The following HECW2 variants were observed in gnomAD, a reference collection of about 807,000 sequenced individuals.
The protein encoded by HECW2 is HECT, C2 and WW domain containing E3 ubiquitin protein ligase 2, also known as E3 ubiquitin-protein ligase HECW2.
Under a neutral mutation model 175.2 loss-of-function variants are expected in HECW2, and 61 were observed. The ratio of observed to expected loss-of-function variants is 0.35; its 90% CI spans 0.28 to 0.43. The LOEUF (loss-of-function observed/expected upper bound fraction) is 0.43, where lower values mean the gene tolerates loss of function less well. Ranked by LOEUF, HECW2 falls within the 20% of genes least tolerant of loss-of-function variation. The pLI, the probability that HECW2 is intolerant of heterozygous loss-of-function variation, is 1.00. For missense variants in HECW2, 1,524 were observed against 2,000.5 expected, an observed-to-expected ratio of 0.76 and a Z score of 4.54; for synonymous variants, 671 against 731.0, an observed-to-expected ratio of 0.92 and a Z score of 1.32.
rs1693485963 is a variant in HECW2, at chr2:196,358,980, CTTGATAAAGA to C, written c.293-15226_293-15217del. 5.9e-5 allele frequency among the ~76,000 whole-genome samples: 9 copies of C among 152,164 alleles called. No individual in the cohort carries two copies. The South Asian group carries it at 1.9e-3, about 32-fold the overall frequency. ...TTCTGTCAATGAGCTTTAAGCCTGG[CTTGATAAAGA>C]ACCAGATGGAGGTGCCCTCATCTCC... On this transcript the variant is annotated intron_variant, in intron 2 of 28. Transcript: ENST00000644978.
chr2:196,293,472 G>C (rs1001142751), intron 13 of HECW2, among the ~76,000 whole-genome samples: 6 of 152,144 alleles, frequency 3.9e-5, no homozygotes, highest in Admixed American at 3.9e-4. Context: ...TATATGTGCA[G>C]GTATCTTTGT....
In HECW2 at chr2:196,493,942, A is replaced by G. The variant is rs150651973; in HGVS notation, c.-35-60484T>C. On this transcript the variant is annotated intron_variant, in intron 1 of 28. Coordinates refer to ENST00000644978, the MANE Select transcript of HECW2 (RefSeq NM_001348768.2). ...AAAATCTAAGAGATAAAACAGTCATATAAGTAGATACACTACAATTCAACT... is the reference window on the plus strand; with the variant it reads ...AAAATCTAAGAGATAAAACAGTCATGTAAGTAGATACACTACAATTCAACT... Among the ~76,000 whole-genome samples, 484 of 152,382 alleles carry G rather than the reference A, an allele frequency of 3.2e-3. 5 individuals are homozygous for G. The highest frequency in any genetic ancestry group is 0.011 in the African/African-American group (447 of 41,596).
At chr2:196,509,955 G>A (rs985837828) in intron 1 of HECW2, among the ~76,000 whole-genome samples, 3 of 152,168 alleles carry the variant, frequency 2.0e-5, no homozygotes, top group Admixed American at 6.5e-5. Flanking sequence ...ATGTAATACT[G>A]TGCTCCACTC....
rs545124344 is a variant in HECW2 at position 196,472,248 on chromosome 2, C to T, written c.-35-38790G>A. Among the ~76,000 whole-genome samples, 205 of 152,058 alleles carry T rather than the reference C, an allele frequency of 1.3e-3. 1 individual carries two copies. The highest frequency in any genetic ancestry group is 2.5e-3 in the Non-Finnish European group (168 of 67,966). ...CCTGTAATCCCAGCACTTTGGGAGGCCAAGACAGGAGGATCACTTGAGGTC... is the reference window on the plus strand; with the variant it reads ...CCTGTAATCCCAGCACTTTGGGAGGTCAAGACAGGAGGATCACTTGAGGTC... On this transcript the variant is annotated intron_variant, in intron 1 of 28. Coordinates refer to ENST00000644978, the MANE Select transcript of HECW2 (RefSeq NM_001348768.2).
At chr2:196,285,029 A>G (rs1489301611) in intron 14 of HECW2, among the ~76,000 whole-genome samples, 1 of 152,170 alleles carries the variant, frequency 6.6e-6, no homozygotes, top group East Asian at 1.9e-4. Flanking sequence ...CACAAACTCG[A>G]ATCTCATTTT....
intron 14 of HECW2, among the ~76,000 whole-genome samples, chr2:196,282,673 A>G (rs892811197): frequency 2.9e-4 from 44 of 152,212 alleles, no homozygotes; most frequent in African/African-American, 1.0e-3. Flanking sequence ...TGTGGAGACC[A>G]AGGTTTTATC....
At chr2:196,529,721 G>C (rs574248166) in intron 1 of HECW2, among the ~76,000 whole-genome samples, 1 of 152,308 alleles carries the variant, frequency 6.6e-6, no homozygotes, top group African/African-American at 2.4e-5. Flanking sequence ...TCTACACTAG[G>C]AGATAACAAT....
chr2:196,475,415 G>T (rs376409419), intron 1 of HECW2, among the ~76,000 whole-genome samples: 1 of 147,006 alleles, frequency 6.8e-6, no homozygotes, highest in East Asian at 2.0e-4. Flanking sequence ...GGGAGGGGAG[G>T]GGAGAGAGAC....
intron 21 of HECW2, among the ~76,000 whole-genome samples, chr2:196,234,354 C>T (rs574787284): frequency 1.3e-5 from 2 of 151,876 alleles, no homozygotes; most frequent in South Asian, 4.2e-4. Flanking sequence ...GTGGCACAAT[C>T]GTAGCTCACT....
intron 1 of HECW2, among the ~76,000 whole-genome samples, chr2:196,479,799 C>G (rs1458720134): frequency 6.6e-6 from 1 of 152,166 alleles, no homozygotes; most frequent in Non-Finnish European, 1.5e-5. Context: ...TCTTTTCCAT[C>G]TTGCCCTGAT....
chr2:196,320,833 A>C (rs1691913959), intron 7 of HECW2, among the ~76,000 whole-genome samples: 1 of 152,188 alleles, frequency 6.6e-6, no homozygotes, highest in Admixed American at 6.5e-5. Flanking sequence ...AAGGGGAGAG[A>C]GCCTGGTTCC....
In HECW2 at chr2:196,462,934, A is replaced by G. The variant is rs182869794; in HGVS notation, c.-35-29476T>C. 2.0e-3 allele frequency among the ~76,000 whole-genome samples: 300 copies of G among 152,296 alleles called. 1 individual carries two copies. The highest frequency in any genetic ancestry group is 5.8e-3 in the South Asian group (28 of 4,828). On this transcript the variant is annotated intron_variant, in intron 1 of 28. Coordinates refer to ENST00000644978, the MANE Select transcript of HECW2 (RefSeq NM_001348768.2). ...TATCCCCTGGTCCGGGGAGACTCCA[A>G]TACAAGAGAGAAGTGCCCTCCACTC...
intron 1 of HECW2, among the ~76,000 whole-genome samples, chr2:196,517,118 C>G (rs1466669853): frequency 6.6e-6 from 1 of 152,164 alleles, no homozygotes; most frequent in Non-Finnish European, 1.5e-5. Context: ...ACTACAGTGA[C>G]TCTTGGGCTT....
At chr2:196,504,401 C>T (rs1041100445) in intron 1 of HECW2, among the ~76,000 whole-genome samples, 2 of 151,478 alleles carry the variant, frequency 1.3e-5, no homozygotes, top group Non-Finnish European at 2.9e-5. Context: ...GCAGTACATA[C>T]TCACCTTGGC....
chr2:196,298,505 T>C (rs1690903320), intron 13 of HECW2, among the ~76,000 whole-genome samples: 1 of 145,938 alleles, frequency 6.9e-6, no homozygotes, highest in Non-Finnish European at 1.5e-5. Flanking sequence ...CATTTATTAT[T>C]TTTTTCTTAT....
chr2:196,390,834 T>C (rs918756631), intron 2 of HECW2, among the ~76,000 whole-genome samples: 1 of 152,218 alleles, frequency 6.6e-6, no homozygotes, highest in Admixed American at 6.5e-5. Context: ...TTTACTTGAA[T>C]GGGCTACGTA....
chr2:196,445,434 C>T (rs1696155280), intron 1 of HECW2, among the ~76,000 whole-genome samples: 1 of 151,918 alleles, frequency 6.6e-6, no homozygotes, highest in Admixed American at 6.6e-5. Flanking sequence ...TAAACTTTTA[C>T]TTTAGGTTCA....
At chr2:196,492,866 AT>A (rs1342960367) in intron 1 of HECW2, among the ~76,000 whole-genome samples, 3 of 152,102 alleles carry the variant, frequency 2.0e-5, no homozygotes, top group South Asian at 2.1e-4. Context: ...CAACAGACTC[AT>A]TTTTTTTGAC....
intron 5 of HECW2, 66 bp from the exon 6 acceptor site, chr2:196,325,215 GAGGA>G: frequency 8.4e-7 from 1 of 1,185,724 alleles, no homozygotes; most frequent in Non-Finnish European, 1.2e-6. Flanking sequence ...GGAAAGAAAG[GAGGA>G]AGGGAGAGAA....
Sources: gnomAD v4.1 joint callset for allele counts (sites outside exome capture counted in the v4.1 genomes callset) on GRCh38, gnomAD v4.1.1 for gene constraint, MANE v1.5 for transcripts, NCBI Gene and HGNC (gene_info 2026-07-23, HGNC 2026-07-21) for gene names.